The following LY75 variants were observed in gnomAD, a reference collection of about 807,000 sequenced individuals.
The protein encoded by LY75 is C-type lectin domain family 13 member B.
In LY75, 185 loss-of-function variants were observed where a neutral mutation model predicts 231.7. That is an observed-to-expected ratio of 0.80 (90% CI 0.71 to 0.90). The LOEUF is 0.90. Ranked by LOEUF, LY75 falls within the 40% of genes least tolerant of loss-of-function variation. The pLI is 0.00. For missense variants in LY75, 1,947 were observed against 2,050.2 expected (o/e 0.95, Z 0.97); for synonymous variants, 668 against 689.0 (o/e 0.97, Z 0.48).
chr2:159,894,046 A>G lies in LY75; in HGVS notation c.505T>C (p.Cys169Arg). 1 of 1,613,636 alleles carries G rather than the reference A, an allele frequency of 6.2e-7. No homozygotes were observed. Among genetic ancestry groups the G allele is most frequent in the Non-Finnish European group, 8.5e-7 (1 of 1,179,694 alleles). ...CCATCAATTAAGAATGGAAATTCAC[A>G]AGGTCTCCCATAAGAGTTCCCATCT... is the stretch of plus-strand genomic sequence containing the variant. ...TRDGNSYGRP[C>R]EFPFLIDGTW... The change falls in exon 3 of 35, where the codon TGT (cysteine) becomes CGT (arginine). Residue 169 changes from cysteine (C) to arginine (R), a missense_variant. Transcript: ENST00000263636.
chr2:159,820,600 G>A (rs1683257288), intron 28 of LY75, among the ~76,000 whole-genome samples: 1 of 152,098 alleles, frequency 6.6e-6, no homozygotes, highest in South Asian at 2.1e-4. Context: ...CGTGTGATGG[G>A]TGCACCAAAA....
At chr2:159,901,468 T>A (rs1291843557) in intron 1 of LY75, among the ~76,000 whole-genome samples, 2 of 152,330 alleles carry the variant, frequency 1.3e-5, no homozygotes, top group East Asian at 3.9e-4. Context: ...CTGCTGTCTT[T>A]CCCGGGCATT....
intron 30 of LY75, 59 bp from the exon 31 acceptor site, chr2:159,815,632 A>G: frequency 6.4e-7 from 1 of 1,557,326 alleles, no homozygotes; most frequent in East Asian, 2.3e-5. Flanking sequence ...AAAAGAATAC[A>G]AAGAACAACA....
At chr2:159,860,982 G>A (rs1574566143) in intron 14 of LY75, 93 bp from the exon 15 acceptor site, 31 of 1,351,612 alleles carry the variant, frequency 2.3e-5, no homozygotes, top group Admixed American at 3.7e-5. Context: ...ACTCAAGTGC[G>A]TTGATATGCC....
Position 159,850,046 on chromosome 2 carries a change from G to A in LY75, c.3084C>T (p.Asn1028=), listed in dbSNP as rs1249796636. 5.0e-6 allele frequency: 8 copies of A among 1,613,946 alleles called. No individual in the cohort carries two copies. The South Asian group carries it at 6.6e-5, about 13-fold the overall frequency. ...GAAAGTTACTGTACGTCAGCTCTCT[G>A]TTATCTGTCCATTTGTTTATCTTTT... The part of the protein sequence containing the change: ...AYEKINKWTD[N]RELTYSNFHP... The change falls in exon 23 of 35, where the codon AAC becomes AAT. Residue 1028 remains asparagine, a synonymous_variant. Coordinates refer to ENST00000263636, the MANE Select transcript of LY75 (RefSeq NM_002349.4).
intron 26 of LY75, 129 bp downstream of exon 26, chr2:159,835,351 C>T: frequency 2.1e-6 from 2 of 958,316 alleles, no homozygotes; most frequent in East Asian, 6.1e-5. Context: ...ACAAATGTTG[C>T]CATAAAAAGA....
chr2:159,868,292 C>T (rs1293651871), intron 13 of LY75, among the ~76,000 whole-genome samples: 2 of 152,068 alleles, frequency 1.3e-5, no homozygotes, highest in East Asian at 3.8e-4. Flanking sequence ...TGTTTTTTCT[C>T]TGTGCTGTTC....
At chr2:159,828,754 CA>C (rs1249922361) in intron 28 of LY75, among the ~76,000 whole-genome samples, 2 of 152,120 alleles carry the variant, frequency 1.3e-5, no homozygotes, top group Non-Finnish European at 2.9e-5. Context: ...AAATGTCCAT[CA>C]AGTGATACAT....
chr2:159,879,631 G>A (rs1363023386), intron 8 of LY75, among the ~76,000 whole-genome samples: 3 of 152,062 alleles, frequency 2.0e-5, no homozygotes, highest in Non-Finnish European at 2.9e-5. Flanking sequence ...AACCATCAAA[G>A]CACACTTAGT....
chr2:159,852,364 ACT>A, intron 20 of LY75, 24 bp from the exon 21 acceptor site: 2 of 1,597,342 alleles, frequency 1.3e-6, no homozygotes, highest in Non-Finnish European at 8.5e-7. Flanking sequence ...AGCCAGGATT[ACT>A]ATGGTGAGAA....
At chr2:159,819,673 C>A in intron 29 of LY75, 53 bp downstream of exon 29, 1 of 1,539,306 alleles carries the variant, frequency 6.5e-7, no homozygotes, top group Non-Finnish European at 8.7e-7. Flanking sequence ...GAACTAATAG[C>A]CTTATATTCT....
At chr2:159,845,667 T>C (rs959889757) in intron 23 of LY75, among the ~76,000 whole-genome samples, 1 of 151,930 alleles carries the variant, frequency 6.6e-6, no homozygotes, top group African/African-American at 2.4e-5. Flanking sequence ...AATCTAGAGA[T>C]GATTTAAGTA....
Position 159,840,713 on chromosome 2 carries a change from G to C in LY75, c.3507+16C>G. 1 of 1,613,916 alleles carries C rather than the reference G, an allele frequency of 6.2e-7. No individual in the cohort carries two copies. The highest frequency in any genetic ancestry group is 2.2e-5 in the East Asian group (1 of 44,872). ...TTTCCATCACCCAGTCCTGGCAGTT[G>C]GGACTGAACACTTACATCTTGACTG... is the stretch of plus-strand genomic sequence containing the variant. On this transcript the variant is annotated intron_variant, in intron 25 of 34. Coordinates refer to ENST00000263636, the MANE Select transcript of LY75 (RefSeq NM_002349.4).
chr2:159,804,193 T>C lies in LY75; in HGVS notation c.*851A>G, dbSNP rs1051846276. On this transcript the variant is annotated 3_prime_UTR_variant, in exon 35 of 35. Coordinates refer to ENST00000263636, the MANE Select transcript of LY75 (RefSeq NM_002349.4). ...CTTTGGAATAATATAAGAAACATCT[T>C]GCCAAGAGGAATCATTTTGCTATAT... 1 of 152,174 alleles carries C rather than the reference T, an allele frequency of 6.6e-6. No homozygotes were observed. The highest frequency in any genetic ancestry group is 1.5e-5 in the Non-Finnish European group (1 of 68,026). The allele number at this position is 152,174 out of a possible 1,614,324, so 9.4% of individuals were successfully genotyped here.
chr2:159,899,001 A>G lies in LY75; in HGVS notation c.153T>C (p.Tyr51=), dbSNP rs1233940042. The G allele has an allele frequency of 6.2e-7, 1 of 1,614,226 alleles. No homozygotes were observed. The highest frequency in any genetic ancestry group is 2.2e-5 in the East Asian group (1 of 44,892). Reference sequence around the variant, plus strand: ...CACAGTCGTCTGCTACTATCCAGCCATACACTGGCTTGATGCACTTGCCCG... The same window carrying G: ...CACAGTCGTCTGCTACTATCCAGCCGTACACTGGCTTGATGCACTTGCCCG... The part of the protein sequence containing the change: ...GNTGKCIKPV[Y]GWIVADDCDE... The change falls in exon 2 of 35, where the codon TAT becomes TAC. Residue 51 remains tyrosine (Y), a synonymous_variant. Coordinates refer to ENST00000263636, the MANE Select transcript of LY75 (RefSeq NM_002349.4).
chr2:159,830,993 C>A (rs561733406), intron 28 of LY75, among the ~76,000 whole-genome samples: 1 of 152,270 alleles, frequency 6.6e-6, no homozygotes, highest in Non-Finnish European at 1.5e-5. Flanking sequence ...GCTCATCTCA[C>A]ATAGTTAGTG....
intron 33 of LY75, chr2:159,807,726 TA>T: frequency 1.0e-6 from 1 of 952,438 alleles, no homozygotes; most frequent in Non-Finnish European, 1.3e-6. Context: ...CTTAACATTT[TA>T]AAATTCACAT....
intron 26 of LY75, among the ~76,000 whole-genome samples, chr2:159,835,195 AAT>A (rs1442016014): frequency 5.9e-5 from 9 of 152,174 alleles, no homozygotes; most frequent in African/African-American, 2.2e-4. Flanking sequence ...TACAACTATA[AAT>A]ATATGCAGAA....
In LY75 at chr2:159,831,034, T is replaced by A. The variant is rs147913531; in HGVS notation, c.3958+636A>T. 1.5e-3 allele frequency among the ~76,000 whole-genome samples: 234 copies of A among 152,356 alleles called. 2 individuals are homozygous for A. Among genetic ancestry groups the A allele is most frequent in the African/African-American group, 5.3e-3 (222 of 41,584 alleles). ...AAAAAATAAGTATTGAAGATTTATATGGGATGGTGATCATTTTTAGTTAGT... is the reference window on the plus strand; with the variant it reads ...AAAAAATAAGTATTGAAGATTTATAAGGGATGGTGATCATTTTTAGTTAGT... On this transcript the variant is annotated intron_variant, in intron 28 of 34. Coordinates refer to ENST00000263636, the MANE Select transcript of LY75 (RefSeq NM_002349.4).
Sources: allele counts gnomAD v4.1 joint callset (sites outside exome capture counted in the v4.1 genomes callset), GRCh38; gene constraint gnomAD v4.1.1; transcripts MANE v1.5; gene names NCBI Gene and HGNC (gene_info 2026-07-23, HGNC 2026-07-21).